The following ATE1 variants were observed in gnomAD, a reference collection of about 807,000 sequenced individuals.
ATE1 encodes arginyl-tRNA--protein transferase 1.
In ATE1, 36 loss-of-function variants were observed where a neutral mutation model predicts 70.5. The observed-to-expected ratio is 0.51, with a 90% CI of 0.39 to 0.67. The LOEUF is 0.67. ATE1 is among the 30% of genes least tolerant of loss of function. The pLI is 0.00. For synonymous variants in ATE1, 232 were observed against 219.3 expected, an observed-to-expected ratio of 1.06 and a Z score of -0.51; for missense variants, 593 against 629.5, an observed-to-expected ratio of 0.94 and a Z score of 0.62.
At chr10:121,821,903 C>A (rs1434433448) in intron 10 of ATE1, among the ~76,000 whole-genome samples, 2 of 152,126 alleles carry the variant, frequency 1.3e-5, no homozygotes, top group East Asian at 1.9e-4. Context: ...TCCCTACACA[C>A]CCATCAGGAA....
chr10:121,762,661 G>A (rs1157419716), intron 11 of ATE1, among the ~76,000 whole-genome samples: 1 of 152,176 alleles, frequency 6.6e-6, no homozygotes, highest in Non-Finnish European at 1.5e-5. Flanking sequence ...GCCCTGCGAG[G>A]GGATGGCGTC....
rs181397419 is a variant in ATE1, at chr10:121,776,971, G to T, written c.1378+13198C>A. Among the ~76,000 whole-genome samples, 830 of 152,318 alleles carry T rather than the reference G, an allele frequency of 5.4e-3. 6 individuals are homozygous for T. The highest frequency in any genetic ancestry group is 0.019 in the African/African-American group (794 of 41,570). On this transcript the variant is annotated intron_variant, in intron 11 of 11. Transcript: ENST00000224652. ...AAAACAGGTGGGTACACACTAACTTGGGTGTTCTGGAATCATACATCATAC... is the reference window on the plus strand; with the variant it reads ...AAAACAGGTGGGTACACACTAACTTTGGTGTTCTGGAATCATACATCATAC...
intron 10 of ATE1, among the ~76,000 whole-genome samples, chr10:121,799,788 T>A (rs1946805615): frequency 6.6e-6 from 1 of 152,224 alleles, no homozygotes; most frequent in South Asian, 2.1e-4. Context: ...TAAATTACAT[T>A]ATGGTTTCTT....
chr10:121,818,176 G>A (rs71484684), intron 10 of ATE1, among the ~76,000 whole-genome samples: 6,791 of 140,198 alleles, frequency 0.048, 219 homozygotes, highest in Non-Finnish European at 0.072. Flanking sequence ...AGGATGACTT[G>A]AGCCTGAAAG....
chr10:121,847,612 GC>G (rs1948879568), intron 8 of ATE1, among the ~76,000 whole-genome samples: 3 of 150,768 alleles, frequency 2.0e-5, no homozygotes, highest in Admixed American at 6.6e-5. Flanking sequence ...ACAAAAATTA[GC>G]CTAGCGTGGT....
At chr10:121,847,498 T>C (rs547556044) in intron 8 of ATE1, among the ~76,000 whole-genome samples, 60 of 149,860 alleles carry the variant, frequency 4.0e-4, no homozygotes, top group African/African-American at 1.3e-3. Context: ...CGGTAGCTCA[T>C]GCCTGTAATT....
intron 8 of ATE1, among the ~76,000 whole-genome samples, chr10:121,859,916 G>C (rs1949409459): frequency 6.6e-6 from 1 of 152,258 alleles, no homozygotes; most frequent in African/African-American, 2.4e-5. Context: ...ACTGCAGACT[G>C]GGCGACACAG....
chr10:121,842,745 G>A (rs1948677499), intron 8 of ATE1, among the ~76,000 whole-genome samples: 1 of 152,116 alleles, frequency 6.6e-6, no homozygotes, highest in African/African-American at 2.4e-5. Flanking sequence ...GTCAAAAGAA[G>A]AAGTATCATA....
intron 7 of ATE1, among the ~76,000 whole-genome samples, chr10:121,892,069 A>C (rs1950598235): frequency 6.6e-6 from 1 of 152,204 alleles, no homozygotes; most frequent in African/African-American, 2.4e-5. Flanking sequence ...TTTGAACTCC[A>C]CACCAAAATT....
At chr10:121,915,521 C>G (rs1405219956) in intron 3 of ATE1, among the ~76,000 whole-genome samples, 2 of 152,114 alleles carry the variant, frequency 1.3e-5, no homozygotes, top group Non-Finnish European at 2.9e-5. Flanking sequence ...AAGGGCCCCT[C>G]CAGTTTGTCT....
At chr10:121,833,435 C>T (rs1418996435) in intron 10 of ATE1, among the ~76,000 whole-genome samples, 1 of 152,060 alleles carries the variant, frequency 6.6e-6, no homozygotes, top group African/African-American at 2.4e-5. Flanking sequence ...CATTGTTTGC[C>T]ACCTGGGACA....
At chr10:121,781,148 T>A (rs1945970090) in intron 11 of ATE1, among the ~76,000 whole-genome samples, 1 of 149,040 alleles carries the variant, frequency 6.7e-6, no homozygotes, top group Non-Finnish European at 1.5e-5. Context: ...TCAAATGACA[T>A]GAGGCAACAT....
chr10:121,888,999 G>T (rs1194398546), intron 7 of ATE1, among the ~76,000 whole-genome samples: 1 of 152,134 alleles, frequency 6.6e-6, no homozygotes, highest in Non-Finnish European at 1.5e-5. Context: ...TGAGGAGTTA[G>T]TAGTAATCAA....
chr10:121,755,247 T>C (rs926222489), intron 11 of ATE1, among the ~76,000 whole-genome samples: 3 of 152,224 alleles, frequency 2.0e-5, no homozygotes, highest in Non-Finnish European at 4.4e-5. Flanking sequence ...CATCTCAATG[T>C]TACTTTCCTG....
intron 8 of ATE1, among the ~76,000 whole-genome samples, chr10:121,856,424 G>C (rs1489346759): frequency 6.6e-6 from 1 of 152,086 alleles, no homozygotes; most frequent in Non-Finnish European, 1.5e-5. Flanking sequence ...CAGCTACTCA[G>C]GAGGCTGAGG....
At position 121,915,664 on chromosome 10, in the gene ATE1, CG is replaced by C. The variant is rs551116640; in HGVS notation, c.234-1772del. ...CAGCACTTTGGGAGGCCGAGGCAGG[CG>C]GATCACGAGGTCAGGAGATCGAGAC... is the stretch of plus-strand genomic sequence containing the variant. On this transcript the variant is annotated intron_variant, in intron 3 of 11. Transcript: ENST00000224652. Among the ~76,000 whole-genome samples the C allele has an allele frequency of 2.5e-3, 376 of 151,922 alleles. 3 individuals are homozygous for C. Among genetic ancestry groups the C allele is most frequent in the African/African-American group, 8.8e-3 (365 of 41,456 alleles).
chr10:121,769,629 A>G (rs1945418368), intron 11 of ATE1, among the ~76,000 whole-genome samples: 1 of 152,234 alleles, frequency 6.6e-6, no homozygotes. Flanking sequence ...ACCAAAGGAC[A>G]CATATCTGGA....
intron 7 of ATE1, among the ~76,000 whole-genome samples, chr10:121,888,190 C>G (rs952879463): frequency 1.3e-5 from 2 of 152,128 alleles, no homozygotes; most frequent in Non-Finnish European, 2.9e-5. Context: ...GTCAGGAGAT[C>G]GAGACCATCC....
intron 5 of ATE1, among the ~76,000 whole-genome samples, chr10:121,906,157 G>A (rs1395285717): frequency 6.6e-6 from 1 of 152,176 alleles, no homozygotes. Flanking sequence ...ACTTTGGGAG[G>A]CCAAGGTGAG....
Sources: gnomAD v4.1 joint callset for allele counts (sites outside exome capture counted in the v4.1 genomes callset) on GRCh38, gnomAD v4.1.1 for gene constraint, MANE v1.5 for transcripts, NCBI Gene and HGNC (gene_info 2026-07-23, HGNC 2026-07-21) for gene names.